Variants in ZNF415 observed in about 807,000 individuals in gnomAD.
The protein encoded by ZNF415 is zinc finger protein 415.
A neutral mutation model predicts 7.3 loss-of-function variants in ZNF415; 5 were observed. That is an observed-to-expected ratio of 0.69 (90% CI 0.36 to 1.44). The LOEUF is 1.44. Ranked by LOEUF, ZNF415 falls within the 40% of genes most tolerant of loss-of-function variation. The pLI is 0.04. For synonymous variants in ZNF415, 207 were observed against 226.3 expected, an observed-to-expected ratio of 0.91 and a Z score of 0.77; for missense variants, 628 against 664.8, an observed-to-expected ratio of 0.94 and a Z score of 0.61.
rs753735043 is a variant in ZNF415, at chr19:53,116,607, TTC to T, written c.16-176_16-175del. The stretch of plus-strand genomic sequence containing the variant: ...TATCTCTCCCTAATTGTGGTTTTTT[TTC>T]TCTCTTTTTTTTTTTTTTTGGTTTG... On this transcript the variant is annotated intron_variant, in intron 2 of 3. Coordinates refer to ENST00000243643, the MANE Select transcript of ZNF415 (RefSeq NM_018355.4). Among the ~76,000 whole-genome samples, 267 of 91,850 alleles carry T rather than the reference TTC, an allele frequency of 2.9e-3. 6 individuals carry two copies. Among genetic ancestry groups the T allele is most frequent in the African/African-American group, 6.9e-3 (163 of 23,792 alleles). The allele number at this position is 91,850 out of a possible 152,430, so 60.3% of individuals were successfully genotyped here.
chr19:53,108,438 C>T lies in ZNF415; in HGVS notation c.1607G>A (p.Arg536His), dbSNP rs759016245. Reference sequence around the variant, plus strand: ...AATTTGATGTCTGAAGAGGTTTGGGCGCACACTAAAGGACTTCCCACAATC... The same window carrying T: ...AATTTGATGTCTGAAGAGGTTTGGGTGCACACTAAAGGACTTCCCACAATC... ...CSDCGKSFSVRPNLFRHQIIH... is the reference protein window; with the variant it reads ...CSDCGKSFSVHPNLFRHQIIH... Residue 536 changes from arginine to histidine, a missense_variant, in exon 4 of 4, where the codon CGC (arginine) becomes CAC (histidine). Physicochemically the swap from Arg to His is conservative, Grantham distance 29. Transcript: ENST00000243643. 3.3e-5 allele frequency: 53 copies of T among 1,613,958 alleles called. No individual in the cohort carries two copies. Among genetic ancestry groups the T allele is most frequent in the Middle Eastern group, 3.3e-4 (2 of 6,080 alleles).
rs562115713 is a variant in ZNF415, at chr19:53,113,982, G to C, written c.136+2331C>G. Among the ~76,000 whole-genome samples, 7 of 152,326 alleles carry C rather than the reference G, an allele frequency of 4.6e-5. No individual in the cohort carries two copies. In the East Asian group the frequency reaches 1.4e-3, roughly 29 times the overall value. ...CCTGAGCCATGCTGACAATTCTGCT[G>C]AACGCTTTAAGGGGCATCTCTACAT... On this transcript the variant is annotated intron_variant, in intron 3 of 3. Coordinates refer to ENST00000243643, the MANE Select transcript of ZNF415 (RefSeq NM_018355.4).
chr19:53,130,066 C>CAAAAAAAA (rs11314090), intron 1 of ZNF415, among the ~76,000 whole-genome samples: 1 of 123,458 alleles, frequency 8.1e-6, no homozygotes. Context: ...CTCCAGCTCA[C>CAAAAAAAA]AAAAAAAAAA....
rs2085925030 is a variant in ZNF415 at position 53,109,589 on chromosome 19, C to A, written c.456G>T (p.Gln152His). 1 of 1,614,120 alleles carries A rather than the reference C, an allele frequency of 6.2e-7. No individual in the cohort carries two copies. The change falls in exon 4 of 4, where the codon CAG (glutamine) becomes CAT (histidine). Residue 152 changes from glutamine to histidine, a missense_variant. Gln to His is a conservative substitution (Grantham distance 24, BLOSUM62 0). Coordinates refer to ENST00000243643, the MANE Select transcript of ZNF415 (RefSeq NM_018355.4). ...CATAAATTTTCCCTTCAGCTTGAAA[C>A]TGCTGCAGTTCATGGGGATGTGGTA... ...SFLPHPHELQ[Q>H]FQAEGKIYEC...
At chr19:53,125,043 T>C (rs371022535) in intron 1 of ZNF415, among the ~76,000 whole-genome samples, 1 of 99,766 alleles carries the variant, frequency 1.0e-5, no homozygotes, top group African/African-American at 2.9e-5. Flanking sequence ...GGTCTGTTTA[T>C]GTCCAATTTT....
In ZNF415 at chr19:53,109,535, G is replaced by C. The variant is rs779245031; in HGVS notation, c.510C>G (p.Asn170Lys). 1.2e-5 allele frequency: 20 copies of C among 1,613,948 alleles called. No homozygotes were observed. In the Admixed American group the frequency reaches 2.8e-4, roughly 23 times the overall value. ...GGGGTGGTGAAACTGAGGAACCATG[G>C]TTGACAGACTTCTCAACATGGTTAC... The part of the protein sequence containing the change: ...YECNHVEKSV[N>K]HGSSVSPPQI... The change falls in exon 4 of 4, where the codon AAC becomes AAG. Residue 170 changes from asparagine to lysine, a missense_variant. Coordinates refer to ENST00000243643, the MANE Select transcript of ZNF415 (RefSeq NM_018355.4).
chr19:53,125,526 C>G (rs942731375), intron 1 of ZNF415, among the ~76,000 whole-genome samples: 1 of 152,046 alleles, frequency 6.6e-6, no homozygotes, highest in Non-Finnish European at 1.5e-5. Flanking sequence ...TTTATAGAGA[C>G]AAGGTGTCAC....
At chr19:53,115,596 G>C (rs2086895924) in intron 3 of ZNF415, 1 of 834,048 alleles carries the variant, frequency 1.2e-6, no homozygotes, top group Non-Finnish European at 1.9e-6. Flanking sequence ...TCCTCTAAGA[G>C]CTCACAGGAT....
intron 3 of ZNF415, chr19:53,115,819 G>A: frequency 6.5e-7 from 1 of 1,542,980 alleles, no homozygotes; most frequent in South Asian, 1.2e-5. Flanking sequence ...ACTCTGGTCA[G>A]GAAGAGAATT....
chr19:53,122,138 C>G (rs1297436458), intron 2 of ZNF415, among the ~76,000 whole-genome samples: 1 of 151,860 alleles, frequency 6.6e-6, no homozygotes, highest in Non-Finnish European at 1.5e-5. Context: ...CCCAGCTACT[C>G]GGGACGCTGA....
intron 1 of ZNF415, among the ~76,000 whole-genome samples, chr19:53,129,340 T>C (rs1430321705): frequency 6.6e-6 from 1 of 151,790 alleles, no homozygotes; most frequent in African/African-American, 2.4e-5. Context: ...TGGTGGAGGG[T>C]TCCCTGCCAG....
At chr19:53,127,896 G>A (rs75082879) in intron 1 of ZNF415, among the ~76,000 whole-genome samples, 216 of 147,502 alleles carry the variant, frequency 1.5e-3, no homozygotes, top group South Asian at 2.4e-3. Flanking sequence ...AAAAGAAAAA[G>A]AAAAAGAAAA....
At chr19:53,130,668 G>GT (rs540808770) in intron 1 of ZNF415, among the ~76,000 whole-genome samples, 6 of 150,502 alleles carry the variant, frequency 4.0e-5, no homozygotes, top group East Asian at 3.9e-4. Flanking sequence ...TTTGTTCTTT[G>GT]TTTTTTTTTC....
At chr19:53,130,037 C>T (rs1258248747) in intron 1 of ZNF415, among the ~76,000 whole-genome samples, 1 of 149,440 alleles carries the variant, frequency 6.7e-6, no homozygotes, top group Non-Finnish European at 1.5e-5. Flanking sequence ...TGTACTCCAG[C>T]CTGGGTGAGA....
At chr19:53,123,732 G>C in intron 1 of ZNF415, 1 of 397,822 alleles carries the variant, frequency 2.5e-6, no homozygotes. Flanking sequence ...TGGAAATGAT[G>C]TATTTCCTCA....
intron 1 of ZNF415, among the ~76,000 whole-genome samples, chr19:53,130,609 A>G (rs1225483708): frequency 6.6e-6 from 1 of 152,234 alleles, no homozygotes; most frequent in East Asian, 1.9e-4. Flanking sequence ...AAAGGGAATT[A>G]GTAAGAAAAA....
At chr19:53,116,611 C>CT (rs1568566098) in intron 2 of ZNF415, among the ~76,000 whole-genome samples, 178 bp from the exon 3 acceptor site, 3 of 131,336 alleles carry the variant, frequency 2.3e-5, no homozygotes, top group African/African-American at 6.4e-5. Flanking sequence ...TTTTTTTTCT[C>CT]TCTTTTTTTT....
chr19:53,109,562 T>C lies in ZNF415; in HGVS notation c.483A>G (p.Glu161=). The C allele has an allele frequency of 6.2e-7, 1 of 1,614,132 alleles. No homozygotes were observed. The highest frequency in any genetic ancestry group is 8.5e-7 in the Non-Finnish European group (1 of 1,180,004). The part of the protein sequence containing the change: ...QQFQAEGKIY[E]CNHVEKSVNH... Reference sequence around the variant, plus strand: ...TGACAGACTTCTCAACATGGTTACATTCATAAATTTTCCCTTCAGCTTGAA... The same window carrying C: ...TGACAGACTTCTCAACATGGTTACACTCATAAATTTTCCCTTCAGCTTGAA... Residue 161 remains glutamate, a synonymous_variant, in exon 4 of 4, where the codon GAA becomes GAG. Coordinates refer to ENST00000243643, the MANE Select transcript of ZNF415 (RefSeq NM_018355.4).
rs1469180941 is a variant in ZNF415, at chr19:53,128,595, G to A, written c.-68+4261C>T. On this transcript the variant is annotated intron_variant, in intron 1 of 3. Coordinates refer to ENST00000243643, the MANE Select transcript of ZNF415 (RefSeq NM_018355.4). ...CTGCCCAGGATGGCCACTGGGCCCC[G>A]CTGATGTGTAGAGCGTGGAAGACCC... 1.6e-4 allele frequency among the ~76,000 whole-genome samples: 17 copies of A among 107,864 alleles called. 2 individuals carry two copies. The highest frequency in any genetic ancestry group is 3.8e-4 in the African/African-American group (12 of 31,820). 70.8% of individuals were successfully genotyped at this position (107,864 alleles called of 152,430 possible).
Sources: gnomAD v4.1 joint callset for allele counts (sites outside exome capture counted in the v4.1 genomes callset) on GRCh38, gnomAD v4.1.1 for gene constraint, MANE v1.5 for transcripts, NCBI Gene and HGNC (gene_info 2026-07-23, HGNC 2026-07-21) for gene names.